ADGRE3: variants seen among roughly 807,000 people sequenced by gnomAD.
The protein encoded by ADGRE3 is EGF-like module receptor 3.
A neutral mutation model predicts 80.1 loss-of-function variants in ADGRE3; 88 were observed. The observed-to-expected ratio is 1.10, with a 90% confidence interval of 0.93 to 1.31. ADGRE3 has a LOEUF of 1.31. Among genes scored for constraint, ADGRE3 ranks in the 40% most tolerant of loss-of-function variants. ADGRE3 has a pLI of 0.00. For synonymous variants in ADGRE3, 281 were observed against 294.8 expected, an observed-to-expected ratio of 0.95 and a Z score of 0.48; for missense variants, 715 against 776.5, an observed-to-expected ratio of 0.92 and a Z score of 0.94.
chr19:14,622,254 A>T, intron 15 of ADGRE3: 1 of 693,402 alleles, frequency 1.4e-6, no homozygotes, highest in Non-Finnish European at 2.3e-6. Context: ...TAATTTTTAA[A>T]ATGTTTTATT....
the ADGRE3 span, among the ~76,000 whole-genome samples, chr19:14,602,727 T>C: frequency 2.6e-5 from 4 of 152,080 alleles, no homozygotes; most frequent in African/African-American, 9.7e-5. Flanking sequence ...ATTATTTGTA[T>C]GAGTAGTTAA....
downstream of ADGRE3, among the ~76,000 whole-genome samples, chr19:14,617,336 C>CTTT (rs2075081548): frequency 1.1e-4 from 5 of 44,252 alleles, no homozygotes; most frequent in Non-Finnish European, 2.5e-4. Flanking sequence ...CTCCCTCCCT[C>CTTT]CCTCCCTTTC....
At chr19:14,630,362 G>GC (rs1432996431) in intron 13 of ADGRE3, among the ~76,000 whole-genome samples, 155 bp from the exon 14 acceptor site, 2 of 151,952 alleles carry the variant, frequency 1.3e-5, no homozygotes, top group Non-Finnish European at 2.9e-5. Flanking sequence ...TGTGAAAGCT[G>GC]CTTTACCTTC....
the ADGRE3 span, among the ~76,000 whole-genome samples, chr19:14,600,686 A>G: frequency 1.3e-5 from 2 of 149,964 alleles, no homozygotes; most frequent in Non-Finnish European, 3.0e-5. Flanking sequence ...GGTTCACGCC[A>G]TTCTCCTGCC....
intron 15 of ADGRE3, among the ~76,000 whole-genome samples, chr19:14,623,984 C>T (rs1231351960): frequency 1.3e-5 from 2 of 152,124 alleles, no homozygotes; most frequent in Non-Finnish European, 2.9e-5. Flanking sequence ...AAGACTAGCT[C>T]CTCAAAGCTA....
In ADGRE3 at chr19:14,647,446, C is replaced by T. The variant is rs1261597034; in HGVS notation, c.698-81G>A. On this transcript the variant is annotated intron_variant, in intron 7 of 15. Coordinates refer to ENST00000253673, the MANE Select transcript of ADGRE3 (RefSeq NM_032571.5). ...TTTTTTTTTGAGACGGAGTCTCGCT[C>T]TTGTCGCCCAGCCAGGCTGGAGTGC... is the stretch of plus-strand genomic sequence containing the variant. The T allele has an allele frequency of 9.6e-6, 11 of 1,144,904 alleles. No homozygotes were observed. In the African/African-American group the frequency reaches 1.8e-4, roughly 18 times the overall value. The allele number at this position is 1,144,904 out of a possible 1,614,324, so 70.9% of individuals were successfully genotyped here. A position where few individuals can be genotyped will look rare whatever the true frequency, so the allele number is the denominator to read the frequency against.
downstream of ADGRE3, among the ~76,000 whole-genome samples, chr19:14,614,574 C>T (rs943951189): frequency 6.6e-6 from 1 of 151,804 alleles, no homozygotes; most frequent in Non-Finnish European, 1.5e-5. Flanking sequence ...TTACCAACGC[C>T]CGCCAATCTT....
downstream of ADGRE3, among the ~76,000 whole-genome samples, chr19:14,618,529 G>A (rs1018823630): frequency 5.3e-5 from 8 of 151,612 alleles, no homozygotes; most frequent in Non-Finnish European, 1.0e-4. Context: ...ACTCCAGCCT[G>A]GGTGACAGAG....
downstream of ADGRE3, among the ~76,000 whole-genome samples, chr19:14,618,846 CAAAAAAA>C (rs771965258): frequency 1.5e-4 from 9 of 61,948 alleles, no homozygotes; most frequent in East Asian, 4.0e-3. Context: ...AACTCCATCT[CAAAAAAA>C]AAAAAAAAAA....
intron 14 of ADGRE3, 71 bp downstream of exon 14, chr19:14,629,968 T>G (rs1970832658): frequency 1.0e-6 from 1 of 1,001,476 alleles, no homozygotes; most frequent in Non-Finnish European, 1.5e-6. Context: ...AATGTCAACT[T>G]AAATCCCCAT....
At chr19:14,612,280 T>C in the ADGRE3 span, among the ~76,000 whole-genome samples, 3 of 152,210 alleles carry the variant, frequency 2.0e-5, no homozygotes, top group Admixed American at 2.0e-4. Flanking sequence ...ATGATCCTCT[T>C]CTCCCTGTGT....
chr19:14,610,476 C>T, the ADGRE3 span: 1 of 427,496 alleles, frequency 2.3e-6, no homozygotes, highest in Non-Finnish European at 4.3e-6. Flanking sequence ...TCACTAAGTT[C>T]CTGATCATGA....
chr19:14,615,303 C>T (rs2075069306), downstream of ADGRE3, among the ~76,000 whole-genome samples: 1 of 150,688 alleles, frequency 6.6e-6, no homozygotes, highest in South Asian at 2.1e-4. Context: ...CATCTCCCAC[C>T]CCAGCTCCCT....
chr19:14,632,127 T>A (rs1333564411), intron 13 of ADGRE3, among the ~76,000 whole-genome samples: 2 of 152,214 alleles, frequency 1.3e-5, no homozygotes, highest in African/African-American at 4.8e-5. Context: ...ACATTTAAAT[T>A]GGTATATGTA....
chr19:14,622,094 T>C, intron 15 of ADGRE3: 1 of 1,053,728 alleles, frequency 9.5e-7, no homozygotes, highest in Non-Finnish European at 1.3e-6. Flanking sequence ...CTGAACACAT[T>C]CTTTATGCTC....
the ADGRE3 span, among the ~76,000 whole-genome samples, chr19:14,602,238 T>G: frequency 6.6e-6 from 1 of 152,158 alleles, no homozygotes; most frequent in Non-Finnish European, 1.5e-5. Context: ...TGGGTTTGGA[T>G]TTTTAAAATC....
chr19:14,646,678 TCCCTCCCTCCC>T lies in ADGRE3; in HGVS notation c.882+492_882+502del, dbSNP rs1971411551. Among the ~76,000 whole-genome samples the T allele has an allele frequency of 4.3e-4, 21 of 48,848 alleles. No homozygotes were observed. The South Asian group carries it at 0.016, about 37-fold the overall frequency. 32.0% of individuals were successfully genotyped at this position (48,848 alleles called of 152,430 possible). A position where few individuals can be genotyped will look rare whatever the true frequency, so the allele number is the denominator to read the frequency against. The stretch of plus-strand genomic sequence containing the variant: ...CTCTCTTCCTCCCTCCCTCCCTCCC[TCCCTCCCTCCC>T]TCCCTCCTTCCTTCCTTCCTTCCTT... On this transcript the variant is annotated intron_variant, in intron 8 of 15. Transcript: ENST00000253673.
chr19:14,606,904 C>A, the ADGRE3 span: 1 of 549,534 alleles, frequency 1.8e-6, no homozygotes. Flanking sequence ...GTTCCCAAGC[C>A]CTAAATATGT....
chr19:14,640,129 C>T (rs1971209292), intron 10 of ADGRE3, among the ~76,000 whole-genome samples: 1 of 152,172 alleles, frequency 6.6e-6, no homozygotes, highest in African/African-American at 2.4e-5. Context: ...TAACAATCTC[C>T]AGGTTCATCC....
Sources: gnomAD v4.1 joint callset for allele counts (sites outside exome capture counted in the v4.1 genomes callset) on GRCh38, gnomAD v4.1.1 for gene constraint, MANE v1.5 for transcripts, NCBI Gene and HGNC (gene_info 2026-07-23, HGNC 2026-07-21) for gene names.